NAMPT: variants seen among roughly 807,000 people sequenced by gnomAD.
The protein encoded by NAMPT is nicotinamide phosphoribosyltransferase.
NAMPT carries 7 observed loss-of-function variants against 58.7 expected under a neutral mutation model. The observed-to-expected ratio is 0.12, with a 90% confidence interval of 0.07 to 0.22. The LOEUF is 0.22. Among genes scored for constraint, NAMPT ranks in the 10% least tolerant of loss-of-function variants. NAMPT has a pLI of 1.00. For missense variants in NAMPT, 271 were observed against 567.9 expected (o/e 0.48, Z 5.31); for synonymous variants, 145 against 198.1 (o/e 0.73, Z 2.25).
Position 106,271,155 on chromosome 7 carries a change from C to T in NAMPT, c.447+1375G>A, listed in dbSNP as rs931538113. Among the ~76,000 whole-genome samples the T allele has an allele frequency of 3.9e-5, 6 of 152,028 alleles. No homozygotes were observed. In the South Asian group the frequency reaches 6.2e-4, roughly 16 times the overall value. The stretch of plus-strand genomic sequence containing the variant: ...TAACGGTCATCTACTGTCCATGGGG[C>T]GGAGGTGGAGCTGATTCATACAGAA... On this transcript the variant is annotated intron_variant, in intron 4 of 10. Transcript: ENST00000222553.
intron 7 of NAMPT, among the ~76,000 whole-genome samples, chr7:106,262,461 T>A (rs756563599): frequency 6.6e-6 from 1 of 152,130 alleles, no homozygotes; most frequent in Non-Finnish European, 1.5e-5. Flanking sequence ...ACATTTTTTA[T>A]TACGTAACAG....
intron 4 of NAMPT, 143 bp downstream of exon 4, chr7:106,272,387 T>C (rs1405146819): frequency 9.4e-6 from 6 of 640,684 alleles, no homozygotes; most frequent in Non-Finnish European, 1.5e-5. Context: ...TGTCATTTTA[T>C]AGATGAGGAA....
chr7:106,285,427 C>G (rs1441843975), upstream of NAMPT: 5 of 612,972 alleles, frequency 8.2e-6, no homozygotes, highest in Non-Finnish European at 1.0e-5. Context: ...TGGGACCTTC[C>G]GTCCTACCCA....
At chr7:106,270,870 AAT>A (rs1238962923) in intron 4 of NAMPT, among the ~76,000 whole-genome samples, 2 of 152,230 alleles carry the variant, frequency 1.3e-5, no homozygotes, top group Non-Finnish European at 2.9e-5. Context: ...CAGGAGAAAT[AAT>A]AGTTGCTTTA....
Position 106,261,715 on chromosome 7 carries a change from GA to G in NAMPT, c.970-9del. ...ACCTAAAATCTCCAAAACCTATATG[GA>G]AAAATACACATGCAACACAAATAAC... is the stretch of plus-strand genomic sequence containing the variant. On this transcript the variant is annotated splice_polypyrimidine_tract_variant and intron_variant, in intron 7 of 10. Transcript: ENST00000222553. 1.2e-6 allele frequency: 2 copies of G among 1,603,026 alleles called. No homozygotes were observed. The highest frequency in any genetic ancestry group is 1.7e-6 in the Non-Finnish European group (2 of 1,170,308).
At chr7:106,251,323 T>G (rs1792100240) in intron 10 of NAMPT, 130 bp from the exon 11 acceptor site, 3 of 646,596 alleles carry the variant, frequency 4.6e-6, no homozygotes, top group Admixed American at 5.4e-5. Context: ...TGAGATGATT[T>G]GATGCATAAA....
At chr7:106,272,187 A>G (rs894746447) in intron 4 of NAMPT, 3 of 303,704 alleles carry the variant, frequency 9.9e-6, no homozygotes, top group Non-Finnish European at 2.0e-5. Context: ...TTTATCATTC[A>G]TCGAATGTCG....
At chr7:106,258,251 TAAA>T (rs1792243281) in intron 8 of NAMPT, among the ~76,000 whole-genome samples, 1 of 152,138 alleles carries the variant, frequency 6.6e-6, no homozygotes, top group Admixed American at 6.5e-5. Context: ...ATTGGAACTC[TAAA>T]TACACCATCA....
intron 6 of NAMPT, among the ~76,000 whole-genome samples, chr7:106,264,594 T>C (rs1168531147): frequency 1.3e-5 from 2 of 152,056 alleles, no homozygotes; most frequent in Non-Finnish European, 2.9e-5. Flanking sequence ...TTTTGGAGCA[T>C]TTTGGATTTG....
Position 106,251,129 on chromosome 7 carries a change from C to A in NAMPT, c.1430G>T (p.Arg477Ile). 2.5e-6 allele frequency: 4 copies of A among 1,605,616 alleles called. No homozygotes were observed. The highest frequency in any genetic ancestry group is 3.4e-6 in the Non-Finnish European group (4 of 1,172,808). The change falls in exon 11 of 11, where the codon AGA becomes ATA. Residue 477 changes from arginine to isoleucine, a missense_variant. Coordinates refer to ENST00000222553, the MANE Select transcript of NAMPT (RefSeq NM_005746.3). Reference protein sequence around the residue: ...VTKSYSFDEIRKNAQLNIELE... With the variant: ...VTKSYSFDEIIKNAQLNIELE... ...TTCAATATTCAGCTGTGCATTTTTT[C>A]TTATTTCATCAAATGAATAGCTTTT...
Position 106,275,303 on chromosome 7 carries a change from T to A in NAMPT, c.215-254A>T, listed in dbSNP as rs186995657. 1,549 of 252,220 alleles carry A rather than the reference T, an allele frequency of 6.1e-3. 11 individuals carry two copies. The highest frequency in any genetic ancestry group is 0.015 in the Admixed American group (273 of 18,650). The allele number at this position is 252,220 out of a possible 1,614,324, so 15.6% of individuals were successfully genotyped here. A position where few individuals can be genotyped will look rare whatever the true frequency, so the allele number is the denominator to read the frequency against. On this transcript the variant is annotated intron_variant, in intron 2 of 10. Coordinates refer to ENST00000222553, the MANE Select transcript of NAMPT (RefSeq NM_005746.3). ...AAAAAATTATTACTTGCACAGCTTT[T>A]AAAAATGATATTAACTTAATTTTTT... is the stretch of plus-strand genomic sequence containing the variant.
chr7:106,267,866 A>AAAAAAAAAAAAAAAAAAAAAAAAC (rs767872084), intron 6 of NAMPT, among the ~76,000 whole-genome samples: 8 of 133,646 alleles, frequency 6.0e-5, no homozygotes, highest in Middle Eastern at 3.8e-3. Flanking sequence ...AAAAAAAAAA[A>AAAAAAAAAAAAAAAAAAAAAAAAC]AAAAAAAAAA....
chr7:106,253,330 G>T, intron 9 of NAMPT, 179 bp from the exon 10 acceptor site: 1 of 609,790 alleles, frequency 1.6e-6, no homozygotes, highest in Non-Finnish European at 2.8e-6. Context: ...TGTTTTGAAG[G>T]ATAGTCGTTT....
At chr7:106,274,611 T>C (rs1326975276) in intron 3 of NAMPT, among the ~76,000 whole-genome samples, 1 of 152,164 alleles carries the variant, frequency 6.6e-6, no homozygotes, top group African/African-American at 2.4e-5. Context: ...TCCCAGCACT[T>C]TGGGAGGCCA....
At chr7:106,256,113 A>C (rs1179911325) in intron 8 of NAMPT, among the ~76,000 whole-genome samples, 1 of 152,226 alleles carries the variant, frequency 6.6e-6, no homozygotes, top group Non-Finnish European at 1.5e-5. Flanking sequence ...CCTCTTGCCA[A>C]CTCTGATAAT....
chr7:106,267,530 G>C (rs375936130), intron 6 of NAMPT, among the ~76,000 whole-genome samples: 4 of 152,052 alleles, frequency 2.6e-5, no homozygotes, highest in Non-Finnish European at 5.9e-5. Context: ...CAGTGATAAG[G>C]TTTGGCAAAC....
chr7:106,277,547 TTTGGTACTGCTAATATCTCAATGTGGTA>T (rs1375784261), intron 1 of NAMPT, among the ~76,000 whole-genome samples: 1 of 152,172 alleles, frequency 6.6e-6, no homozygotes, highest in Non-Finnish European at 1.5e-5. Flanking sequence ...GACAGCAGAA[TTTGGTACTGCTAATATCTCAATGTGGTA>T]TGTTCCAAAA....
In NAMPT at chr7:106,258,437, G is replaced by A. The variant is rs111569265; in HGVS notation, c.1089+3151C>T. On this transcript the variant is annotated intron_variant, in intron 8 of 10. Transcript: ENST00000222553. Reference sequence around the variant, plus strand: ...ATCTGAGATTCGTATACATCAAAATGTCAGTGGTTTCTGAATGCAAATGGC... The same window carrying A: ...ATCTGAGATTCGTATACATCAAAATATCAGTGGTTTCTGAATGCAAATGGC... 2.7e-3 allele frequency among the ~76,000 whole-genome samples: 410 copies of A among 152,284 alleles called. 2 individuals are homozygous for A. Among genetic ancestry groups the A allele is most frequent in the African/African-American group, 9.5e-3 (395 of 41,548 alleles).
intron 8 of NAMPT, among the ~76,000 whole-genome samples, chr7:106,258,389 T>G (rs1468828248): frequency 6.6e-6 from 1 of 151,844 alleles, no homozygotes; most frequent in Non-Finnish European, 1.5e-5. Flanking sequence ...GAAAAAAACT[T>G]GTGTTTCATA....
Sources: allele counts gnomAD v4.1 joint callset (sites outside exome capture counted in the v4.1 genomes callset), GRCh38; gene constraint gnomAD v4.1.1; transcripts MANE v1.5; gene names NCBI Gene and HGNC (gene_info 2026-07-23, HGNC 2026-07-21).